The following POU2F1 variants were observed in gnomAD, a reference collection of about 807,000 sequenced individuals.
POU2F1 encodes POU class 2 homeobox 1.
In POU2F1, 16 loss-of-function variants were observed where a neutral mutation model predicts 84.9. That is an observed-to-expected ratio of 0.19 (90% CI 0.13 to 0.29). The LOEUF (loss-of-function observed/expected upper bound fraction) is 0.29, where lower values mean the gene tolerates loss of function less well. Ranked by LOEUF, POU2F1 falls within the 10% of genes least tolerant of loss-of-function variation. The pLI is 1.00. For missense variants in POU2F1, 738 were observed against 942.6 expected (o/e 0.78, Z 2.84); for synonymous variants, 368 against 368.3 (o/e 1.00, Z 0.01).
At chr1:167,326,733 G>T (rs1229618872) in intron 1 of POU2F1, among the ~76,000 whole-genome samples, 1 of 152,110 alleles carries the variant, frequency 6.6e-6, no homozygotes, top group African/African-American at 2.4e-5. Flanking sequence ...TTAGCCTGAG[G>T]AGGAGGCTCT....
chr1:167,375,926 C>G (rs1453437113), intron 6 of POU2F1, 103 bp from the exon 7 acceptor site: 14 of 1,381,236 alleles, frequency 1.0e-5, no homozygotes, highest in Non-Finnish European at 1.4e-5. Flanking sequence ...AGTATTTACT[C>G]TTCTTTATTT....
chr1:167,332,885 A>G (rs996620006), intron 2 of POU2F1, among the ~76,000 whole-genome samples: 7 of 152,208 alleles, frequency 4.6e-5, no homozygotes, highest in African/African-American at 1.4e-4. Flanking sequence ...AATTTATTCA[A>G]TTACAAAATG....
At chr1:167,263,262 G>A (rs1651699582) in intron 1 of POU2F1, among the ~76,000 whole-genome samples, 1 of 152,198 alleles carries the variant, frequency 6.6e-6, no homozygotes, top group African/African-American at 2.4e-5. Flanking sequence ...GCTCATGCCT[G>A]TAATCCCAGC....
chr1:167,290,872 C>T (rs1045273076), intron 1 of POU2F1, among the ~76,000 whole-genome samples: 2 of 151,984 alleles, frequency 1.3e-5, no homozygotes, highest in African/African-American at 2.4e-5. Context: ...CAGACCACAT[C>T]GCTACAAAAG....
At chr1:167,276,648 A>G (rs1423062401) in intron 1 of POU2F1, among the ~76,000 whole-genome samples, 2 of 152,172 alleles carry the variant, frequency 1.3e-5, no homozygotes, top group African/African-American at 2.4e-5. Context: ...AAGCTTTCAT[A>G]TAAGTAAAAG....
At chr1:167,327,169 A>C (rs370935938) in intron 1 of POU2F1, among the ~76,000 whole-genome samples, 1 of 152,234 alleles carries the variant, frequency 6.6e-6, no homozygotes, top group Non-Finnish European at 1.5e-5. Flanking sequence ...TGATGCTTTC[A>C]AAAGATGGAC....
At chr1:167,263,567 G>T (rs1651730645) in intron 1 of POU2F1, among the ~76,000 whole-genome samples, 1 of 151,000 alleles carries the variant, frequency 6.6e-6, no homozygotes, top group Admixed American at 6.6e-5. Flanking sequence ...TCAGATTTTT[G>T]CATTTAGCCT....
intron 1 of POU2F1, among the ~76,000 whole-genome samples, chr1:167,293,825 C>A (rs1225571191): frequency 6.6e-6 from 1 of 152,084 alleles, no homozygotes; most frequent in African/African-American, 2.4e-5. Context: ...CCAACCTGAT[C>A]TTCAATAAAG....
chr1:167,407,296 C>T (rs1649650309), intron 13 of POU2F1, among the ~76,000 whole-genome samples: 1 of 152,142 alleles, frequency 6.6e-6, no homozygotes, highest in African/African-American at 2.4e-5. Context: ...TCCCAAAGTG[C>T]TGGGATTACA....
chr1:167,290,778 C>A lies in POU2F1; in HGVS notation c.62-41692C>A, dbSNP rs147624707. Among the ~76,000 whole-genome samples, 766 of 152,310 alleles carry A rather than the reference C, an allele frequency of 5.0e-3. 7 individuals are homozygous for A. Among genetic ancestry groups the A allele is most frequent in the Non-Finnish European group, 5.5e-3 (373 of 68,030 alleles). On this transcript the variant is annotated intron_variant, in intron 1 of 15. Transcript: ENST00000367866. The stretch of plus-strand genomic sequence containing the variant: ...GTAATTTTGGCCAGGAGCAGGGGCT[C>A]ATGCCTGTAATCCCAACACTGGGAA...
intron 1 of POU2F1, among the ~76,000 whole-genome samples, chr1:167,245,508 G>T (rs886151883): frequency 2.0e-5 from 3 of 150,498 alleles, no homozygotes; most frequent in African/African-American, 7.4e-5. Context: ...CCACCTACCC[G>T]GTTCAAGTGA....
chr1:167,276,596 C>G (rs1466374026), intron 1 of POU2F1, among the ~76,000 whole-genome samples: 1 of 152,086 alleles, frequency 6.6e-6, no homozygotes, highest in South Asian at 2.1e-4. Context: ...ACGTTATTTC[C>G]TGTTCAAACC....
intron 2 of POU2F1, among the ~76,000 whole-genome samples, chr1:167,365,074 G>A (rs757420244): frequency 9.2e-5 from 14 of 152,168 alleles, no homozygotes; most frequent in Non-Finnish European, 1.3e-4. Flanking sequence ...TGGCAAAGTC[G>A]CCAGTGAATT....
chr1:167,390,982 C>G (rs1648353732), intron 9 of POU2F1, among the ~76,000 whole-genome samples: 1 of 152,148 alleles, frequency 6.6e-6, no homozygotes, highest in Non-Finnish European at 1.5e-5. Context: ...TGGAATTTGT[C>G]AGCTAACCGA....
At chr1:167,230,784 A>G (rs549716236) in intron 1 of POU2F1, among the ~76,000 whole-genome samples, 291 of 152,328 alleles carry the variant, frequency 1.9e-3, no homozygotes, top group African/African-American at 6.7e-3. Context: ...CCTTGAGTGC[A>G]GGAACATACT....
intron 2 of POU2F1, among the ~76,000 whole-genome samples, chr1:167,342,211 A>T: frequency 6.6e-6 from 1 of 152,158 alleles, no homozygotes; most frequent in East Asian, 1.9e-4. Flanking sequence ...TCTTCTACCC[A>T]GTATTTCCCT....
intron 2 of POU2F1, among the ~76,000 whole-genome samples, chr1:167,356,106 T>TA (rs1271647750): frequency 6.6e-6 from 1 of 151,624 alleles, no homozygotes; most frequent in Non-Finnish European, 1.5e-5. Context: ...ACTATACTGT[T>TA]ACTAAGTAGC....
intron 1 of POU2F1, among the ~76,000 whole-genome samples, chr1:167,326,554 G>GGGTGGT (rs1427642035): frequency 6.6e-6 from 1 of 152,190 alleles, no homozygotes; most frequent in Non-Finnish European, 1.5e-5. Context: ...CCTAGGTCAA[G>GGGTGGT]GGTGGTAGAA....
At chr1:167,403,872 A>T (rs79263379) in intron 13 of POU2F1, among the ~76,000 whole-genome samples, 1 of 152,212 alleles carries the variant, frequency 6.6e-6, no homozygotes, top group African/African-American at 2.4e-5. Flanking sequence ...TTCTAAATAC[A>T]TGTATAACTG....
Sources: allele counts gnomAD v4.1 joint callset (sites outside exome capture counted in the v4.1 genomes callset), GRCh38; gene constraint gnomAD v4.1.1; transcripts MANE v1.5; gene names NCBI Gene and HGNC (gene_info 2026-07-23, HGNC 2026-07-21).